The following HCFC2 variants were observed in gnomAD, a reference collection of about 807,000 sequenced individuals.
HCFC2 encodes the protein host cell factor 2.
A neutral mutation model predicts 89.2 loss-of-function variants in HCFC2; 18 were observed. That is an observed-to-expected ratio of 0.20 (90% CI 0.14 to 0.30). The LOEUF is 0.30. HCFC2 is among the 10% of genes least tolerant of loss of function. The pLI is 1.00. For missense variants in HCFC2, 578 were observed against 956.1 expected (o/e 0.60, Z 5.21); for synonymous variants, 308 against 335.7 (o/e 0.92, Z 0.90).
chr12:104,080,614 A>C (rs1672478459), intron 4 of HCFC2, 132 bp from the exon 5 acceptor site: 1 of 513,454 alleles, frequency 1.9e-6, no homozygotes, highest in African/African-American at 2.0e-5. Flanking sequence ...GTTTAAGATA[A>C]TGTTCAAATA....
chr12:104,064,644 G>A lies in HCFC2; in HGVS notation c.84G>A (p.Ala28=), dbSNP rs1253922157. 7 of 1,580,416 alleles carry A rather than the reference G, an allele frequency of 4.4e-6. No individual in the cohort carries two copies. The highest frequency in any genetic ancestry group is 2.8e-5 in the African/African-American group (2 of 71,484). ...PVPRARHGHR[A]VAIRELMIIF... The stretch of plus-strand genomic sequence containing the variant: ...CCCGCGCCCGGCACGGACACCGAGC[G>A]GTGGCCATCCGGGAGCTGATGATCA... The change falls in exon 1 of 15, where the codon GCG becomes GCA. Residue 28 remains alanine, a synonymous_variant. Transcript: ENST00000229330. This position sits in a 1 kb window ranked among gnomAD's most constrained non-coding sequence, Gnocchi z 7.3.
At chr12:104,065,007 G>A in intron 1 of HCFC2, 1 of 335,572 alleles carries the variant, frequency 3.0e-6, no homozygotes, top group Non-Finnish European at 5.4e-6. Flanking sequence ...ACAGGCGGAC[G>A]CAGGCGACAG....
chr12:104,067,451 TG>T (rs550376678), intron 2 of HCFC2, among the ~76,000 whole-genome samples: 166 of 152,226 alleles, frequency 1.1e-3, no homozygotes, highest in Non-Finnish European at 2.2e-3. Flanking sequence ...CAGATGTGAG[TG>T]GTTATACCTA....
intron 1 of HCFC2, among the ~76,000 whole-genome samples, chr12:104,065,821 G>A (rs1271728967): frequency 1.3e-5 from 2 of 152,122 alleles, no homozygotes; most frequent in African/African-American, 2.4e-5. Context: ...TACTCACCCA[G>A]CAGGGCGTTT....
intron 13 of HCFC2, 41 bp from the exon 14 acceptor site, chr12:104,101,927 G>A: frequency 7.5e-7 from 1 of 1,324,802 alleles, no homozygotes. Context: ...TAATATATTA[G>A]TTGTACCTTT....
At chr12:104,070,404 A>G (rs1883285155) in intron 3 of HCFC2, among the ~76,000 whole-genome samples, 1 of 152,138 alleles carries the variant, frequency 6.6e-6, no homozygotes, top group African/African-American at 2.4e-5. Flanking sequence ...TTTTGATCAC[A>G]TTGTCATTCT....
At position 104,066,239 on chromosome 12, in the gene HCFC2, G is replaced by C; in HGVS notation, c.236G>C (p.Cys79Ser). ...PPGCAAHGFV[C>S]DGTRILVFGG... ...GGCTGTGCTGCCCATGGATTTGTCT[G>C]TGATGGTACCAGAATATTAGTATTT... Residue 79 changes from cysteine (C) to serine (S), a missense_variant, in exon 2 of 15, where the codon TGT becomes TCT. By Grantham distance (112) the Cys-to-Ser change is moderately radical. Coordinates refer to ENST00000229330, the MANE Select transcript of HCFC2 (RefSeq NM_013320.3). 1 of 1,613,002 alleles carries C rather than the reference G, an allele frequency of 6.2e-7. No homozygotes were observed.
intron 3 of HCFC2, among the ~76,000 whole-genome samples, chr12:104,077,224 G>GTTTGTTTGTTTGTTTTTTGTTTT (rs1364229986): frequency 5.3e-5 from 8 of 150,986 alleles, no homozygotes; most frequent in African/African-American, 1.9e-4. Flanking sequence ...TTTTTTGTTT[G>GTTTGTTTGTTTGTTTTTTGTTTT]TTTGTTTGTT....
chr12:104,088,084 G>A (rs1371987416), intron 9 of HCFC2, 46 bp downstream of exon 9: 13 of 1,376,840 alleles, frequency 9.4e-6, no homozygotes, highest in Non-Finnish European at 1.3e-5. Flanking sequence ...TATGGTTATA[G>A]TCTCAATTTT....
rs73390496 is a variant in HCFC2, at chr12:104,095,187, C to G, written c.1463-173C>G. Reference sequence around the variant, plus strand: ...GGATATCCATTATGGATATAATGCACTTTATTTTTCTAAACATTTTATGCC... The same window carrying G: ...GGATATCCATTATGGATATAATGCAGTTTATTTTTCTAAACATTTTATGCC... On this transcript the variant is annotated intron_variant, in intron 10 of 14. Coordinates refer to ENST00000229330, the MANE Select transcript of HCFC2 (RefSeq NM_013320.3). This position sits in a 1 kb window ranked among gnomAD's most constrained non-coding sequence, Gnocchi z 4.2. Among the ~76,000 whole-genome samples the G allele has an allele frequency of 0.022, 3,276 of 152,216 alleles. 118 individuals carry two copies. The highest frequency in any genetic ancestry group is 0.074 in the African/African-American group (3,090 of 41,520).
intron 13 of HCFC2, among the ~76,000 whole-genome samples, chr12:104,099,318 C>T (rs2136629428): frequency 6.6e-6 from 1 of 152,286 alleles, no homozygotes; most frequent in Non-Finnish European, 1.5e-5. Context: ...GTCCTACCTC[C>T]AACACTAAGG....
At chr12:104,094,147 T>G (rs1254667156) in intron 10 of HCFC2, among the ~76,000 whole-genome samples, 1 of 152,198 alleles carries the variant, frequency 6.6e-6, no homozygotes, top group Non-Finnish European at 1.5e-5. Flanking sequence ...AACTTTGAAC[T>G]CTGTTTTTGA....
In HCFC2 at chr12:104,101,308, A is replaced by C. The variant is rs566325884; in HGVS notation, c.1879-660A>C. Among the ~76,000 whole-genome samples the C allele has an allele frequency of 2.6e-5, 4 of 152,280 alleles. No homozygotes were observed. The East Asian group carries it at 7.7e-4, about 29-fold the overall frequency. On this transcript the variant is annotated intron_variant, in intron 13 of 14. Transcript: ENST00000229330. Reference sequence around the variant, plus strand: ...AGACCAGCCTGGCCAGCATGGCGAAACCCCGTCTCTACTGAAAAATACAAA... The same window carrying C: ...AGACCAGCCTGGCCAGCATGGCGAACCCCCGTCTCTACTGAAAAATACAAA...
chr12:104,100,061 C>CT (rs1231859494), intron 13 of HCFC2, among the ~76,000 whole-genome samples: 1 of 151,508 alleles, frequency 6.6e-6, no homozygotes, highest in Non-Finnish European at 1.5e-5. Context: ...GAGAATGGAA[C>CT]TTTTTTTTTC....
chr12:104,075,474 T>TC (rs1182125223), intron 3 of HCFC2, among the ~76,000 whole-genome samples: 3 of 151,054 alleles, frequency 2.0e-5, no homozygotes, highest in Non-Finnish European at 4.4e-5. Context: ...TTTTTTTTTT[T>TC]TAGAGGCAGA....
Position 104,068,825 on chromosome 12 carries a change from T to C in HCFC2, c.473+718T>C, listed in dbSNP as rs1318529508. Among the ~76,000 whole-genome samples the C allele has an allele frequency of 6.6e-6, 1 of 152,148 alleles. No individual in the cohort carries two copies. Among genetic ancestry groups the C allele is most frequent in the African/African-American group, 2.4e-5 (1 of 41,434 alleles). ...GGTTTTGTCTGCAAAGAATTCCTCT[T>C]TCCTTTGGGGAACTATACTGTTCCA... On this transcript the variant is annotated intron_variant, in intron 3 of 14. Transcript: ENST00000229330. This position sits in a 1 kb window ranked among gnomAD's most constrained non-coding sequence, Gnocchi z 4.1.
At chr12:104,077,765 A>G (rs1446676414) in intron 3 of HCFC2, among the ~76,000 whole-genome samples, 1 of 152,014 alleles carries the variant, frequency 6.6e-6, no homozygotes, top group African/African-American at 2.4e-5. Flanking sequence ...ATCCTTGGGA[A>G]TAAATTACTG....
chr12:104,087,387 A>G (rs1237257027), intron 8 of HCFC2, among the ~76,000 whole-genome samples: 1 of 149,152 alleles, frequency 6.7e-6, no homozygotes, highest in Non-Finnish European at 1.5e-5. Context: ...ACACACGCAC[A>G]CAAGCACACA....
chr12:104,081,357 C>CAAG (rs990012946), intron 5 of HCFC2, among the ~76,000 whole-genome samples: 3 of 152,164 alleles, frequency 2.0e-5, no homozygotes, highest in South Asian at 2.1e-4. Flanking sequence ...ACTTACTTGA[C>CAAG]AAGGCTGTAA....
Sources: gnomAD v4.1 joint callset for allele counts (sites outside exome capture counted in the v4.1 genomes callset) on GRCh38, gnomAD v4.1.1 for gene constraint, Gnocchi (gnomAD v3.1) non-coding constraint, MANE v1.5 for transcripts, NCBI Gene and HGNC (gene_info 2026-07-23, HGNC 2026-07-21) for gene names.